The following CCR3 variants were observed in gnomAD, a reference collection of about 807,000 sequenced individuals.
The protein encoded by CCR3 is C-C motif chemokine receptor 3, also known as C-C chemokine receptor type 3.
For synonymous variants in CCR3, 203 were observed against 179.2 expected (o/e 1.13, Z -1.06); for missense variants, 419 against 437.5 (o/e 0.96, Z 0.38).
At chr3:46,255,133 C>T (rs1039468451) in intron 1 of CCR3, among the ~76,000 whole-genome samples, 1 of 152,018 alleles carries the variant, frequency 6.6e-6, no homozygotes, top group African/African-American at 2.4e-5. Context: ...ATTTGCATTT[C>T]CCTGATAATT....
upstream of CCR3, among the ~76,000 whole-genome samples, chr3:46,241,729 G>A (rs533557918): frequency 6.6e-6 from 1 of 152,108 alleles, no homozygotes; most frequent in African/African-American, 2.4e-5. Flanking sequence ...TTTTAGACTT[G>A]TCTAAACCTT....
In CCR3 at chr3:46,226,528, G is replaced by C. The variant is rs75772775; in HGVS notation, c.-68+15621G>C. 4.4e-3 allele frequency among the ~76,000 whole-genome samples: 662 copies of C among 152,134 alleles called. 4 individuals carry two copies. Among genetic ancestry groups the C allele is most frequent in the African/African-American group, 0.015 (616 of 41,510 alleles). On this transcript the variant is annotated intron_variant, in intron 2 of 3. Coordinates refer to the CCR3 transcript ENST00000357422. ...TAAATGTGATTGACTTTTGTTTCCT[G>C]GTTTTGTTCCTGCAATCTTACTGAC...
intron 1 of CCR3, among the ~76,000 whole-genome samples, chr3:46,248,783 AG>A (rs1480996692): frequency 1.3e-5 from 2 of 152,194 alleles, no homozygotes. Context: ...TAGTAAAGAA[AG>A]CATGTTTGAG....
At chr3:46,211,197 CT>C (rs757345795) in intron 2 of CCR3, among the ~76,000 whole-genome samples, 14,525 of 128,524 alleles carry the variant, frequency 0.11, 2,151 homozygotes, top group African/African-American at 0.36. Context: ...TGAGAATTTA[CT>C]TTTTTTTTTT....
intron 1 of CCR3, among the ~76,000 whole-genome samples, chr3:46,250,392 G>A (rs1342207964): frequency 2.0e-5 from 3 of 152,048 alleles, no homozygotes; most frequent in East Asian, 1.9e-4. Flanking sequence ...AAGACTCAGC[G>A]ATGCTTGGGG....
At chr3:46,249,920 C>G (rs1700273272) in intron 1 of CCR3, among the ~76,000 whole-genome samples, 1 of 151,680 alleles carries the variant, frequency 6.6e-6, no homozygotes, top group Non-Finnish European at 1.5e-5. Context: ...TTAATTAAGT[C>G]CTGTTGTGGG....
upstream of CCR3, among the ~76,000 whole-genome samples, chr3:46,241,315 G>A (rs910623288): frequency 6.6e-6 from 1 of 152,182 alleles, no homozygotes; most frequent in African/African-American, 2.4e-5. Flanking sequence ...CATTTGTCGA[G>A]TTAGTCAGTG....
intron 2 of CCR3, among the ~76,000 whole-genome samples, chr3:46,218,736 C>T (rs748394342): frequency 3.9e-5 from 6 of 152,078 alleles, no homozygotes; most frequent in Non-Finnish European, 7.4e-5. Context: ...ATCATATAAT[C>T]ATCTCAATAG....
At chr3:46,246,397 G>GGGC (rs1290660635) in intron 1 of CCR3, among the ~76,000 whole-genome samples, 1 of 152,092 alleles carries the variant, frequency 6.6e-6, no homozygotes, top group Non-Finnish European at 1.5e-5. Context: ...GATAAGGGTG[G>GGGC]GGCCGTTTTA....
At chr3:46,219,130 T>A (rs1362611738) in intron 2 of CCR3, among the ~76,000 whole-genome samples, 1 of 152,092 alleles carries the variant, frequency 6.6e-6, no homozygotes, top group Non-Finnish European at 1.5e-5. Context: ...TTCAGTAAAG[T>A]TTCAGGATAC....
intron 2 of CCR3, among the ~76,000 whole-genome samples, chr3:46,224,888 A>T (rs2373156): frequency 0.16 from 24,478 of 152,118 alleles, 3,018 homozygotes; most frequent in African/African-American, 0.34. Context: ...ATTGTTTAGC[A>T]GTATGTAAAG....
intron 2 of CCR3, among the ~76,000 whole-genome samples, chr3:46,228,868 C>G (rs11919361): frequency 0.022 from 3,357 of 152,310 alleles, 114 homozygotes; most frequent in African/African-American, 0.067. Context: ...TTCTTTTCAT[C>G]TGTTCTTTCT....
chr3:46,228,102 G>A (rs1224950965), intron 2 of CCR3, among the ~76,000 whole-genome samples: 1 of 150,936 alleles, frequency 6.6e-6, no homozygotes, highest in Admixed American at 6.6e-5. Flanking sequence ...GAAAATCCCT[G>A]TTTAACATTT....
In CCR3 at chr3:46,265,573, G is replaced by C. The variant is rs145141172; in HGVS notation, c.415G>C (p.Val139Leu). The change falls in exon 2 of 2, where the codon GTG becomes CTG. Residue 139 changes from valine to leucine, a missense_variant. Transcript: ENST00000395940. Reference sequence around the variant, plus strand: ...CAGGTACCTGGCCATTGTCCATGCTGTGTTTGCCCTTCGAGCCCGGACTGT... The same window carrying C: ...CAGGTACCTGGCCATTGTCCATGCTCTGTTTGCCCTTCGAGCCCGGACTGT... ...IDRYLAIVHAVFALRARTVTF... is the reference protein window; with the variant it reads ...IDRYLAIVHALFALRARTVTF... 4 of 1,614,112 alleles carry C rather than the reference G, an allele frequency of 2.5e-6. No individual in the cohort carries two copies. The highest frequency in any genetic ancestry group is 4.5e-5 in the East Asian group (2 of 44,876).
upstream of CCR3, among the ~76,000 whole-genome samples, chr3:46,238,245 T>C (rs1214624365): frequency 1.2e-5 from 1 of 80,814 alleles, no homozygotes; most frequent in Non-Finnish European, 2.3e-5. Flanking sequence ...GCACTTGATA[T>C]TGTCAATTTA....
rs770078859 is a variant in CCR3 at position 46,265,315 on chromosome 3, G to A, written c.157G>A (p.Val53Met). 3.1e-6 allele frequency: 5 copies of A among 1,614,062 alleles called. No individual in the cohort carries two copies. In the Admixed American group the frequency reaches 6.7e-5, roughly 22 times the overall value. Residue 53 changes from valine (V) to methionine (M), a missense_variant, in exon 2 of 2, where the codon GTG (valine) becomes ATG (methionine). Transcript: ENST00000395940. ...GTTCACTGTGGGCCTCTTGGGCAATGTGGTGGTGGTGATGATCCTCATAAA... is the reference window on the plus strand; with the variant it reads ...GTTCACTGTGGGCCTCTTGGGCAATATGGTGGTGGTGATGATCCTCATAAA... ...LVFTVGLLGN[V>M]VVVMILIKYR... is the part of the protein sequence containing the mutation.
intron 2 of CCR3, among the ~76,000 whole-genome samples, chr3:46,230,886 G>A (rs1699956660): frequency 6.6e-6 from 1 of 152,078 alleles, no homozygotes; most frequent in Non-Finnish European, 1.5e-5. Flanking sequence ...CAGGATTTGT[G>A]CTGCTCAAAA....
chr3:46,221,955 C>T (rs1454818167), intron 2 of CCR3, among the ~76,000 whole-genome samples: 4 of 152,196 alleles, frequency 2.6e-5, no homozygotes, highest in Non-Finnish European at 4.4e-5. Context: ...CCTCCCCAGC[C>T]CCTCTCTTGC....
In CCR3 at chr3:46,266,200, G is replaced by A; in HGVS notation, c.1042G>A (p.Glu348Lys). 6.2e-7 allele frequency: 1 copy of A among 1,613,158 alleles called. No homozygotes were observed. Among genetic ancestry groups the A allele is most frequent in the Non-Finnish European group, 8.5e-7 (1 of 1,179,402 alleles). The change falls in exon 2 of 2, where the codon GAG becomes AAG. Residue 348 changes from glutamate (E) to lysine (K), a missense_variant. Transcript: ENST00000395940. ...CAGCTCTGTCTCTCCATCCACAGCA[G>A]AGCCGGAACTCTCTATTGTGTTTTA... ...RTSSVSPSTA[E>K]PELSIVF
Sources: allele counts gnomAD v4.1 joint callset (sites outside exome capture counted in the v4.1 genomes callset), GRCh38; gene constraint gnomAD v4.1.1; transcripts MANE v1.5; gene names NCBI Gene and HGNC (gene_info 2026-07-23, HGNC 2026-07-21).